Variants in PHACTR1 observed in about 807,000 individuals in gnomAD.
PHACTR1 encodes the protein RPEL repeat containing 1.
PHACTR1 carries 16 observed loss-of-function variants against 69.2 expected under a neutral mutation model. That is an observed-to-expected ratio of 0.23 (90% confidence interval 0.16 to 0.35). The LOEUF is 0.35. Ranked by LOEUF, PHACTR1 falls within the 10% of genes least tolerant of loss-of-function variation. The pLI is 1.00. For missense variants in PHACTR1, 510 were observed against 734.7 expected (o/e 0.69, Z 3.54); for synonymous variants, 312 against 284.5 (o/e 1.10, Z -0.97).
intron 4 of PHACTR1, among the ~76,000 whole-genome samples, chr6:12,838,102 C>T (rs9395161): frequency 0.2 from 29,690 of 152,188 alleles, 3,015 homozygotes; most frequent in African/African-American, 0.25. Context: ...CACCCCAACA[C>T]GGCTACTAGC....
intron 7 of PHACTR1, among the ~76,000 whole-genome samples, chr6:13,195,816 G>C (rs978058476): frequency 6.9e-6 from 1 of 145,852 alleles, no homozygotes; most frequent in Non-Finnish European, 1.5e-5. Flanking sequence ...GGTTAGAGGT[G>C]TATTTATTTA....
intron 5 of PHACTR1, among the ~76,000 whole-genome samples, chr6:13,074,511 A>C (rs1810103705): frequency 6.6e-6 from 1 of 152,212 alleles, no homozygotes; most frequent in East Asian, 1.9e-4. Flanking sequence ...GTAATTCATC[A>C]ACCTGGCAAA....
rs1176613601 is a variant in PHACTR1 at position 13,287,060 on chromosome 6, T to G, written c.1728-3T>G. Reference sequence around the variant, plus strand: ...GTCTTGATGTAATTGTTTGTTTCCTTAGGTTTCACCGACCTTAACAGTCGA... The same window carrying G: ...GTCTTGATGTAATTGTTTGTTTCCTGAGGTTTCACCGACCTTAACAGTCGA... On this transcript the variant is annotated splice_polypyrimidine_tract_variant and splice_region_variant and intron_variant, in intron 14 of 14. Coordinates refer to ENST00000332995, the MANE Select transcript of PHACTR1 (RefSeq NM_030948.6). 6.2e-7 allele frequency: 1 copy of G among 1,608,072 alleles called. No individual in the cohort carries two copies. The highest frequency in any genetic ancestry group is 8.5e-7 in the Non-Finnish European group (1 of 1,177,116).
chr6:12,752,593 T>C (rs1766767274), intron 4 of PHACTR1, among the ~76,000 whole-genome samples: 1 of 152,196 alleles, frequency 6.6e-6, no homozygotes, highest in Non-Finnish European at 1.5e-5. Context: ...AAGGAATACA[T>C]ATACATATAT....
intron 4 of PHACTR1, among the ~76,000 whole-genome samples, chr6:12,959,315 C>A (rs1019957272): frequency 1.5e-4 from 22 of 151,092 alleles, no homozygotes; most frequent in African/African-American, 5.4e-4. Flanking sequence ...GTTCTTAAAT[C>A]TTCAAAACCA....
chr6:12,958,532 A>G (rs1792199583), intron 4 of PHACTR1, among the ~76,000 whole-genome samples: 1 of 152,218 alleles, frequency 6.6e-6, no homozygotes, highest in African/African-American at 2.4e-5. Context: ...GGGCAGTGGC[A>G]TTTTGAGGCT....
At chr6:13,060,822 A>G (rs1225021118) in intron 5 of PHACTR1, among the ~76,000 whole-genome samples, 4 of 152,180 alleles carry the variant, frequency 2.6e-5, no homozygotes, top group East Asian at 3.9e-4. Context: ...GGTACAGCTC[A>G]TAGTTGGGTC....
chr6:13,247,695 C>T (rs915447604), intron 10 of PHACTR1, among the ~76,000 whole-genome samples: 1 of 152,084 alleles, frequency 6.6e-6, no homozygotes, highest in African/African-American at 2.4e-5. Flanking sequence ...TCTTCCTATA[C>T]ACTAACATGA....
At chr6:13,071,929 A>T (rs1809602474) in intron 5 of PHACTR1, among the ~76,000 whole-genome samples, 2 of 152,206 alleles carry the variant, frequency 1.3e-5, no homozygotes, top group African/African-American at 4.8e-5. Context: ...TTCTAAGAAG[A>T]TTATATGAAG....
intron 4 of PHACTR1, among the ~76,000 whole-genome samples, chr6:12,789,281 C>T (rs927179157): frequency 6.6e-6 from 1 of 152,164 alleles, no homozygotes; most frequent in Admixed American, 6.5e-5. Context: ...CATTGGTAAA[C>T]CTTCCTTGTG....
intron 4 of PHACTR1, among the ~76,000 whole-genome samples, chr6:12,994,323 T>C (rs1797165868): frequency 6.6e-6 from 1 of 152,152 alleles, no homozygotes; most frequent in Non-Finnish European, 1.5e-5. Context: ...GGTGGGATTT[T>C]TCCCCCCCTT....
At chr6:13,208,630 C>T (rs1736499) in intron 8 of PHACTR1, among the ~76,000 whole-genome samples, 3 of 145,166 alleles carry the variant, frequency 2.1e-5, no homozygotes, top group East Asian at 2.0e-4. Context: ...CATTGCTGCC[C>T]ACCCCCCCAA....
chr6:13,064,622 C>CT (rs1808331331), intron 5 of PHACTR1, among the ~76,000 whole-genome samples: 1 of 72,202 alleles, frequency 1.4e-5, no homozygotes, highest in Non-Finnish European at 2.6e-5. Context: ...ATCTATCTAT[C>CT]CACACTTGCC....
intron 7 of PHACTR1, among the ~76,000 whole-genome samples, chr6:13,188,465 G>A (rs1763095798): frequency 1.3e-5 from 2 of 152,150 alleles, no homozygotes; most frequent in South Asian, 4.1e-4. Flanking sequence ...CTGCTCTGGT[G>A]ACATGTTTGA....
intron 10 of PHACTR1, among the ~76,000 whole-genome samples, chr6:13,271,726 A>T (rs1777779868): frequency 6.6e-6 from 1 of 151,854 alleles, no homozygotes; most frequent in Non-Finnish European, 1.5e-5. Flanking sequence ...TTCCGTCAGC[A>T]GTTGGTAGAA....
intron 4 of PHACTR1, among the ~76,000 whole-genome samples, chr6:12,855,638 C>A (rs1335100773): frequency 6.6e-6 from 1 of 151,814 alleles, no homozygotes; most frequent in Non-Finnish European, 1.5e-5. Flanking sequence ...ACTGGGAACT[C>A]CAGAAGAAGG....
At chr6:13,225,805 G>A (rs188250458) in intron 8 of PHACTR1, among the ~76,000 whole-genome samples, 1 of 152,328 alleles carries the variant, frequency 6.6e-6, no homozygotes, top group African/African-American at 2.4e-5. Context: ...GAGAGGAAAA[G>A]ACAGGATTCA....
intron 4 of PHACTR1, among the ~76,000 whole-genome samples, chr6:12,946,879 C>T (rs1001590196): frequency 3.8e-5 from 5 of 131,294 alleles, no homozygotes; most frequent in Non-Finnish European, 6.2e-5. Context: ...GTGGCACAAT[C>T]TCGGCTCACT....
chr6:12,770,552 G>C (rs1581673573), intron 4 of PHACTR1, among the ~76,000 whole-genome samples: 1 of 152,274 alleles, frequency 6.6e-6, no homozygotes, highest in South Asian at 2.1e-4. Flanking sequence ...GAGTTGAGGG[G>C]CATTCTAATC....
Sources: gnomAD v4.1 joint callset for allele counts (sites outside exome capture counted in the v4.1 genomes callset) on GRCh38, gnomAD v4.1.1 for gene constraint, MANE v1.5 for transcripts, NCBI Gene and HGNC (gene_info 2026-07-23, HGNC 2026-07-21) for gene names.